The following TENM3 variants were observed in gnomAD, a reference collection of about 807,000 sequenced individuals.
The protein encoded by TENM3 is teneurin-3.
A neutral mutation model predicts 255.1 loss-of-function variants in TENM3; 63 were observed. The ratio of observed to expected loss-of-function variants is 0.25; its 90% CI spans 0.20 to 0.30. TENM3 has a LOEUF of 0.30. Among genes scored for constraint, TENM3 ranks in the 10% least tolerant of loss-of-function variants. The pLI is 1.00. For synonymous variants in TENM3, 1,306 were observed against 1,322.3 expected (o/e 0.99, Z 0.27); for missense variants, 2,929 against 3,461.1 (o/e 0.85, Z 3.86).
At chr4:182,141,976 A>T (rs1252874388), upstream of TENM3, 1 of 152,152 alleles carries the variant, frequency 6.6e-6, no homozygotes, top group Non-Finnish European at 1.5e-5. Flanking sequence ...AGTTTTAAAG[A>T]CCTAATACTT....
At chr4:181,453,760 C>G in the TENM3 span, among the ~76,000 whole-genome samples, 1 of 152,142 alleles carries the variant, frequency 6.6e-6, no homozygotes, top group Non-Finnish European at 1.5e-5. Context: ...AACCAATAAC[C>G]TCCGTTAGTC....
intron 22 of TENM3, among the ~76,000 whole-genome samples, chr4:182,770,859 G>A (rs570238069): frequency 8.5e-5 from 13 of 152,316 alleles, no homozygotes; most frequent in South Asian, 2.1e-4. Context: ...CCCTGACACC[G>A]GAGCAGCCTT....
intron 3 of TENM3, among the ~76,000 whole-genome samples, chr4:182,417,223 G>A (rs903955847): frequency 1.3e-5 from 2 of 151,868 alleles, no homozygotes. Flanking sequence ...TGATCCGCTC[G>A]TCTCGGCCTC....
chr4:182,296,352 G>C (rs1351777071), intron 1 of TENM3, among the ~76,000 whole-genome samples: 3 of 152,152 alleles, frequency 2.0e-5, no homozygotes, highest in Non-Finnish European at 4.4e-5. Flanking sequence ...GATCAAAGTT[G>C]ATCTTTCTTG....
the TENM3 span, among the ~76,000 whole-genome samples, chr4:181,522,470 A>G: frequency 2.0e-5 from 3 of 152,216 alleles, no homozygotes; most frequent in Non-Finnish European, 4.4e-5. Context: ...TCTTGCTTTT[A>G]GAAATGGTGA....
chr4:181,903,259 T>TG, the TENM3 span, among the ~76,000 whole-genome samples: 2 of 152,192 alleles, frequency 1.3e-5, no homozygotes, highest in African/African-American at 4.8e-5. Flanking sequence ...TATATATATT[T>TG]GCTATGATTG....
At chr4:182,220,888 C>T (rs189049724) in intron 1 of TENM3, among the ~76,000 whole-genome samples, 7 of 152,238 alleles carry the variant, frequency 4.6e-5, no homozygotes, top group African/African-American at 1.4e-4. Context: ...TATTTTTCTT[C>T]TGGAGAGATT....
intron 4 of TENM3, among the ~76,000 whole-genome samples, chr4:182,615,069 ATT>A (rs35326593): frequency 4.8e-4 from 63 of 130,374 alleles, no homozygotes; most frequent in African/African-American, 1.6e-3. Flanking sequence ...ATATATATGT[ATT>A]TTTTTTTTCT....
intron 1 of TENM3, among the ~76,000 whole-genome samples, chr4:182,291,726 T>G (rs1176084736): frequency 2.0e-5 from 3 of 152,134 alleles, no homozygotes; most frequent in Admixed American, 2.0e-4. Context: ...TCATGGTGTC[T>G]TCTCCAAGGA....
At chr4:181,612,843 C>T in the TENM3 span, among the ~76,000 whole-genome samples, 3 of 152,178 alleles carry the variant, frequency 2.0e-5, no homozygotes, top group East Asian at 1.9e-4. Context: ...ATGAGAAAAA[C>T]ATTACCTATT....
rs1215304138 is a variant in TENM3 at position 182,526,086 on chromosome 4, TCTCCTGCCTC to T, written c.512-74837_512-74828del. Among the ~76,000 whole-genome samples, 4 of 152,270 alleles carry T rather than the reference TCTCCTGCCTC, an allele frequency of 2.6e-5. No individual in the cohort carries two copies. The East Asian group carries it at 7.8e-4, about 30-fold the overall frequency. On this transcript the variant is annotated intron_variant, in intron 3 of 27. Coordinates refer to ENST00000511685, the MANE Select transcript of TENM3 (RefSeq NM_001080477.4). The stretch of plus-strand genomic sequence containing the variant: ...GCTCTGCCTCGCAGGTTCACGCCGT[TCTCCTGCCTC>T]AGCCTCCCCAGTAGCTGGGATTACA...
At chr4:181,690,916 C>T in the TENM3 span, among the ~76,000 whole-genome samples, 4 of 136,108 alleles carry the variant, frequency 2.9e-5, no homozygotes, top group Non-Finnish European at 5.1e-5. Context: ...CCTTTTGTGA[C>T]TCTAACAAGC....
At chr4:181,840,330 G>A in the TENM3 span, among the ~76,000 whole-genome samples, 4 of 151,958 alleles carry the variant, frequency 2.6e-5, no homozygotes, top group South Asian at 6.2e-4. Flanking sequence ...CATTTTATGG[G>A]TCTAAATCTG....
the TENM3 span, among the ~76,000 whole-genome samples, chr4:182,041,367 C>T: frequency 6.6e-6 from 1 of 151,990 alleles, no homozygotes; most frequent in Non-Finnish European, 1.5e-5. Flanking sequence ...CAACATTTCA[C>T]TTTTTGTAAT....
chr4:182,596,634 C>T (rs982597289), intron 3 of TENM3, among the ~76,000 whole-genome samples: 11 of 152,248 alleles, frequency 7.2e-5, no homozygotes, highest in African/African-American at 2.6e-4. Flanking sequence ...CATGGAGTGG[C>T]TACAGCAAGC....
At chr4:182,727,519 A>G (rs887975391) in intron 13 of TENM3, among the ~76,000 whole-genome samples, 1 of 151,872 alleles carries the variant, frequency 6.6e-6, no homozygotes, top group Non-Finnish European at 1.5e-5. Context: ...TTAAAGGATA[A>G]TGTTATCAAA....
At chr4:182,505,293 A>G (rs1736699190) in intron 3 of TENM3, among the ~76,000 whole-genome samples, 1 of 151,168 alleles carries the variant, frequency 6.6e-6, no homozygotes, top group Non-Finnish European at 1.5e-5. Context: ...GCAAAGATGA[A>G]AATCTGTATC....
the TENM3 span, among the ~76,000 whole-genome samples, chr4:181,857,534 G>A: frequency 8.1e-6 from 1 of 123,328 alleles, no homozygotes; most frequent in Admixed American, 8.7e-5. Context: ...AGCCAACATA[G>A]TGAAACCCTG....
chr4:181,810,533 T>A, the TENM3 span, among the ~76,000 whole-genome samples: 6 of 151,940 alleles, frequency 3.9e-5, no homozygotes, highest in African/African-American at 1.5e-4. Flanking sequence ...TCAACAAATG[T>A]TTTTGTTGAC....
Sources: allele counts gnomAD v4.1 joint callset (sites outside exome capture counted in the v4.1 genomes callset), GRCh38; gene constraint gnomAD v4.1.1; transcripts MANE v1.5; gene names NCBI Gene and HGNC (gene_info 2026-07-23, HGNC 2026-07-21).